SVOPL: variants seen among roughly 807,000 people sequenced by gnomAD.
SVOPL encodes the protein SVOP like, also known as putative transporter SVOPL.
Under a neutral mutation model 61.0 loss-of-function variants are expected in SVOPL, and 60 were observed. The ratio of observed to expected loss-of-function variants is 0.98; its 90% CI spans 0.80 to 1.22. SVOPL has a LOEUF of 1.22. Ranked by LOEUF, SVOPL falls within the 50% of genes most tolerant of loss-of-function variation. The probability of loss-of-function intolerance (pLI) is 0.00; values close to 1 mark genes in which losing one functional copy is unlikely to be tolerated. For synonymous variants in SVOPL, 279 were observed against 250.0 expected (o/e 1.12, Z -1.09); for missense variants, 662 against 643.9 (o/e 1.03, Z -0.30).
At chr7:138,694,808 G>C (rs1037051377) in intron 1 of SVOPL, among the ~76,000 whole-genome samples, 1 of 151,972 alleles carries the variant, frequency 6.6e-6, no homozygotes, top group Admixed American at 6.6e-5. Flanking sequence ...CAATGGTCTT[G>C]GCTCACTGCA....
chr7:138,658,586 G>A (rs569280053), intron 6 of SVOPL, among the ~76,000 whole-genome samples: 46 of 152,208 alleles, frequency 3.0e-4, no homozygotes, highest in Admixed American at 2.6e-3. Flanking sequence ...AGCCTGGGTT[G>A]ACATTTTGTT....
chr7:138,638,696 G>A (rs1800625817), intron 9 of SVOPL, among the ~76,000 whole-genome samples: 1 of 152,014 alleles, frequency 6.6e-6, no homozygotes, highest in Non-Finnish European at 1.5e-5. Flanking sequence ...ATAAATGAGA[G>A]AGGAGAAAGA....
intron 6 of SVOPL, 23 bp from the exon 7 acceptor site, chr7:138,656,534 C>A (rs768211891): frequency 6.2e-7 from 1 of 1,611,202 alleles, no homozygotes; most frequent in Admixed American, 1.7e-5. Context: ...CAGGAAAAAG[C>A]ATAATTTTGT....
chr7:138,685,293 T>C (rs926527692), intron 1 of SVOPL, among the ~76,000 whole-genome samples: 5 of 152,108 alleles, frequency 3.3e-5, no homozygotes, highest in African/African-American at 1.2e-4. Flanking sequence ...ACAAGGTGGA[T>C]GAAACTGAAG....
intron 11 of SVOPL, 137 bp from the exon 12 acceptor site, chr7:138,627,598 C>T (rs1799949743): frequency 1.5e-6 from 1 of 655,672 alleles, no homozygotes; most frequent in Admixed American, 2.6e-5. Context: ...CAGCCAAAAT[C>T]CAGTCACGTT....
At chr7:138,603,955 C>CTTTTT (rs560678707) in intron 14 of SVOPL, among the ~76,000 whole-genome samples, 22 of 109,238 alleles carry the variant, frequency 2.0e-4, no homozygotes, top group South Asian at 3.1e-4. Flanking sequence ...TTAATTTATT[C>CTTTTT]TTTTTTTTTT....
chr7:138,700,705 G>GATGGATGT (rs1803176707), intron 1 of SVOPL, among the ~76,000 whole-genome samples: 1 of 149,874 alleles, frequency 6.7e-6, no homozygotes, highest in Middle Eastern at 3.2e-3. Context: ...TGGATGGATG[G>GATGGATGT]ATGGATGGAT....
At chr7:138,617,390 TAAG>T (rs1017612900) in intron 14 of SVOPL, among the ~76,000 whole-genome samples, 23 of 151,836 alleles carry the variant, frequency 1.5e-4, no homozygotes, top group African/African-American at 2.2e-4. Flanking sequence ...GGCAAAAAAA[TAAG>T]AAGGAGGAGC....
At chr7:138,698,674 A>C (rs1803125159) in intron 1 of SVOPL, among the ~76,000 whole-genome samples, 1 of 152,134 alleles carries the variant, frequency 6.6e-6, no homozygotes, top group Non-Finnish European at 1.5e-5. Flanking sequence ...TGCAATTCTC[A>C]ACTGATAAAC....
chr7:138,671,949 CT>C, intron 4 of SVOPL, 69 bp downstream of exon 4: 1 of 1,427,882 alleles, frequency 7.0e-7, no homozygotes, highest in Non-Finnish European at 9.6e-7. Flanking sequence ...GCTCTCAGCC[CT>C]GCAGGATGGA....
Position 138,682,978 on chromosome 7 carries a change from A to AAG in SVOPL, c.-34-3900_-34-3899insCT, listed in dbSNP as rs1802731619. Among the ~76,000 whole-genome samples, 5 of 150,852 alleles carry AAG rather than the reference A, an allele frequency of 3.3e-5. No homozygotes were observed. The South Asian group carries it at 1.1e-3, about 32-fold the overall frequency. On this transcript the variant is annotated intron_variant, in intron 1 of 15. Coordinates refer to ENST00000674285, the MANE Select transcript of SVOPL (RefSeq NM_001139456.2). ...AGCAAAACTCCATCTCAAAAAAAAA[A>AAG]AAAAGAAAAAAAAAAGAAAAACAGC...
intron 11 of SVOPL, 107 bp from the exon 12 acceptor site, chr7:138,627,568 T>C (rs768536585): frequency 2.5e-5 from 20 of 794,814 alleles, no homozygotes; most frequent in Non-Finnish European, 3.7e-5. Flanking sequence ...AGCAACTTCA[T>C]CCAAACCTCA....
intron 3 of SVOPL, among the ~76,000 whole-genome samples, chr7:138,676,560 A>T (rs1041225700): frequency 2.0e-5 from 3 of 147,958 alleles, no homozygotes; most frequent in African/African-American, 8.0e-5. Context: ...GCCTCTTCAC[A>T]CTATCTCATT....
chr7:138,597,515 C>T (rs747989190), intron 14 of SVOPL, among the ~76,000 whole-genome samples: 2 of 152,152 alleles, frequency 1.3e-5, no homozygotes, highest in Non-Finnish European at 2.9e-5. Context: ...ACCGTGCAAA[C>T]AGAACCCACA....
chr7:138,634,026 C>A lies in SVOPL; in HGVS notation c.790-3904G>T, dbSNP rs377518729. Among the ~76,000 whole-genome samples, 22 of 152,302 alleles carry A rather than the reference C, an allele frequency of 1.4e-4. No individual in the cohort carries two copies. The East Asian group carries it at 4.1e-3, about 28-fold the overall frequency. ...GTATGGACCCATCTCAGACACAGAG[C>A]ATGAGCTGAGGTCAGAAGAGCCTTT... On this transcript the variant is annotated intron_variant, in intron 9 of 15. Transcript: ENST00000674285.
chr7:138,676,427 G>A (rs1034208823), intron 3 of SVOPL, among the ~76,000 whole-genome samples: 16 of 152,056 alleles, frequency 1.1e-4, no homozygotes, highest in African/African-American at 2.4e-4. Flanking sequence ...CTACTCCCTC[G>A]TGTCCTTCGA....
intron 13 of SVOPL, among the ~76,000 whole-genome samples, chr7:138,622,250 CTAT>C (rs1563096753): frequency 1.4e-5 from 1 of 73,476 alleles, no homozygotes; most frequent in Non-Finnish European, 2.9e-5. Context: ...ATCTATCTAT[CTAT>C]GTATCTATCT....
intron 1 of SVOPL, among the ~76,000 whole-genome samples, chr7:138,680,168 C>CTT (rs1232394704): frequency 0.025 from 3,328 of 135,246 alleles, 62 homozygotes; most frequent in Non-Finnish European, 0.036. Flanking sequence ...ATGTCATTGT[C>CTT]TTTTTTTTTT....
chr7:138,691,179 C>T (rs1802931527), intron 1 of SVOPL, among the ~76,000 whole-genome samples: 1 of 152,146 alleles, frequency 6.6e-6, no homozygotes, highest in Admixed American at 6.6e-5. Context: ...ATGCAAATCA[C>T]AGCGGCAGAC....
Sources: gnomAD v4.1 joint callset for allele counts (sites outside exome capture counted in the v4.1 genomes callset) on GRCh38, gnomAD v4.1.1 for gene constraint, MANE v1.5 for transcripts, NCBI Gene and HGNC (gene_info 2026-07-23, HGNC 2026-07-21) for gene names.